The following NKAIN2 variants were observed in gnomAD, a reference collection of about 807,000 sequenced individuals.
NKAIN2 encodes the protein sodium/potassium transporting ATPase interacting 2, also known as sodium/potassium-transporting ATPase subunit beta-1-interacting protein 2.
A neutral mutation model predicts 32.6 loss-of-function variants in NKAIN2; 14 were observed. The ratio of observed to expected loss-of-function variants is 0.43; its 90% CI spans 0.28 to 0.67. The LOEUF is 0.67. NKAIN2 is among the 30% of genes least tolerant of loss of function. The probability of loss-of-function intolerance (pLI) is 0.17; values close to 1 mark genes in which losing one functional copy is unlikely to be tolerated. For missense variants in NKAIN2, 198 were observed against 258.3 expected, an observed-to-expected ratio of 0.77 and a Z score of 1.60; for synonymous variants, 80 against 87.2, an observed-to-expected ratio of 0.92 and a Z score of 0.46.
At chr6:123,976,367 A>ATATATG (rs1217756595) in intron 1 of NKAIN2, among the ~76,000 whole-genome samples, 1 of 20,774 alleles carries the variant, frequency 4.8e-5, no homozygotes, top group African/African-American at 2.2e-4. Flanking sequence ...ATATATATAT[A>ATATATG]TTCCCATATA....
At chr6:124,186,280 A>AAG (rs927299657) in intron 1 of NKAIN2, among the ~76,000 whole-genome samples, 2 of 151,808 alleles carry the variant, frequency 1.3e-5, no homozygotes, top group Non-Finnish European at 1.5e-5. Flanking sequence ...AGGAGAAAGA[A>AAG]AGAGAGAGAG....
chr6:124,568,957 A>G (rs978296354), intron 3 of NKAIN2, among the ~76,000 whole-genome samples: 5 of 151,970 alleles, frequency 3.3e-5, no homozygotes, highest in African/African-American at 1.2e-4. Context: ...TCCCTTTCCT[A>G]ACATTTACAC....
At chr6:124,581,431 G>T (rs1392326024) in intron 3 of NKAIN2, among the ~76,000 whole-genome samples, 1 of 128,498 alleles carries the variant, frequency 7.8e-6, no homozygotes, top group East Asian at 2.2e-4. Context: ...GGGCAACAGA[G>T]CGAGACTCCG....
intron 1 of NKAIN2, among the ~76,000 whole-genome samples, chr6:123,970,083 AAC>A (rs148682721): frequency 0.061 from 9,222 of 151,556 alleles, 406 homozygotes; most frequent in East Asian, 0.14. Flanking sequence ...ATGTCATTAA[AAC>A]ACACAAAATA....
At chr6:124,229,515 G>GATAT (rs1792322391) in intron 1 of NKAIN2, among the ~76,000 whole-genome samples, 1 of 149,080 alleles carries the variant, frequency 6.7e-6, no homozygotes, top group Admixed American at 6.6e-5. Flanking sequence ...TAGATAGATA[G>GATAT]ATAGATAGAT....
At chr6:124,354,622 C>T (rs1005966287) in intron 2 of NKAIN2, among the ~76,000 whole-genome samples, 5 of 152,112 alleles carry the variant, frequency 3.3e-5, no homozygotes, top group African/African-American at 1.2e-4. Flanking sequence ...AAAGGTTGAT[C>T]ATTGTCCTAC....
intron 3 of NKAIN2, among the ~76,000 whole-genome samples, chr6:124,424,687 G>A (rs62436338): frequency 0.046 from 6,987 of 150,746 alleles, 281 homozygotes; most frequent in Non-Finnish European, 0.067. Flanking sequence ...CTTTTTGTCT[G>A]ACTTATTTTA....
At chr6:124,638,163 A>G (rs368338600) in intron 3 of NKAIN2, among the ~76,000 whole-genome samples, 5 of 152,322 alleles carry the variant, frequency 3.3e-5, no homozygotes, top group African/African-American at 1.2e-4. Context: ...ACATTGGAGA[A>G]AGAATCGGCT....
intron 3 of NKAIN2, among the ~76,000 whole-genome samples, chr6:124,546,818 T>C (rs1477303053): frequency 6.6e-6 from 1 of 152,116 alleles, no homozygotes; most frequent in East Asian, 1.9e-4. Flanking sequence ...GCACGGACAT[T>C]GGAAGTGATA....
intron 1 of NKAIN2, among the ~76,000 whole-genome samples, chr6:123,859,882 A>C (rs1406442460): frequency 6.6e-6 from 1 of 151,830 alleles, no homozygotes; most frequent in Non-Finnish European, 1.5e-5. Flanking sequence ...GTAGAAACGG[A>C]GTTTTGCCAT....
At chr6:124,687,008 C>G (rs1773920264) in intron 4 of NKAIN2, among the ~76,000 whole-genome samples, 3 of 151,926 alleles carry the variant, frequency 2.0e-5, no homozygotes, top group African/African-American at 7.3e-5. Context: ...ACTTCCTGCC[C>G]TTGAACATCA....
At chr6:123,939,804 C>CT (rs1441052739) in intron 1 of NKAIN2, among the ~76,000 whole-genome samples, 3 of 151,426 alleles carry the variant, frequency 2.0e-5, no homozygotes, top group South Asian at 2.1e-4. Flanking sequence ...TCCAGCCACA[C>CT]TTTTTTTTTC....
chr6:124,601,345 A>G (rs1782299185), intron 3 of NKAIN2, among the ~76,000 whole-genome samples: 1 of 151,994 alleles, frequency 6.6e-6, no homozygotes, highest in Non-Finnish European at 1.5e-5. Flanking sequence ...GTTGACAACT[A>G]CTCTGCCTAT....
At chr6:124,123,902 A>C (rs1324194373) in intron 1 of NKAIN2, among the ~76,000 whole-genome samples, 4 of 152,004 alleles carry the variant, frequency 2.6e-5, no homozygotes, top group African/African-American at 9.7e-5. Context: ...GAGAGAGAGA[A>C]ATCTAAGACT....
intron 4 of NKAIN2, among the ~76,000 whole-genome samples, chr6:124,723,394 A>G (rs1218707667): frequency 2.0e-5 from 3 of 151,610 alleles, no homozygotes; most frequent in African/African-American, 7.3e-5. Context: ...CACATATATA[A>G]TGATATCTGC....
intron 4 of NKAIN2, among the ~76,000 whole-genome samples, chr6:124,742,631 T>TA (rs1203145172): frequency 6.6e-6 from 1 of 151,888 alleles, no homozygotes; most frequent in Admixed American, 6.6e-5. Flanking sequence ...TCTGTTTCTC[T>TA]AGAGGACCCT....
chr6:124,057,292 G>A (rs895542814), intron 1 of NKAIN2, among the ~76,000 whole-genome samples: 11 of 151,932 alleles, frequency 7.2e-5, no homozygotes, highest in Non-Finnish European at 1.6e-4. Context: ...CCAACTACAT[G>A]TATGTTTCTT....
intron 1 of NKAIN2, among the ~76,000 whole-genome samples, chr6:123,939,135 A>G (rs1422202664): frequency 6.6e-6 from 1 of 151,974 alleles, no homozygotes; most frequent in Non-Finnish European, 1.5e-5. Flanking sequence ...ACACAATGTT[A>G]AGACTCCAAC....
intron 1 of NKAIN2, among the ~76,000 whole-genome samples, chr6:123,829,491 G>A (rs1213997065): frequency 6.6e-6 from 1 of 152,188 alleles, no homozygotes; most frequent in Non-Finnish European, 1.5e-5. Context: ...TAGTCAGCAA[G>A]CAGCTTCCTA....
Sources: gnomAD v4.1 joint callset for allele counts (sites outside exome capture counted in the v4.1 genomes callset) on GRCh38, gnomAD v4.1.1 for gene constraint, MANE v1.5 for transcripts, NCBI Gene and HGNC (gene_info 2026-07-23, HGNC 2026-07-21) for gene names.